Variants in PCDHGA5 observed in about 807,000 individuals in gnomAD.
The protein encoded by PCDHGA5 is protocadherin gamma-A5.
Under a neutral mutation model 56.7 loss-of-function variants are expected in PCDHGA5, and 36 were observed. The ratio of observed to expected loss-of-function variants is 0.64; its 90% CI spans 0.49 to 0.84. The LOEUF (loss-of-function observed/expected upper bound fraction) is 0.84. Ranked by LOEUF, PCDHGA5 falls within the 40% of genes least tolerant of loss-of-function variation. The pLI, the probability that PCDHGA5 is intolerant of heterozygous loss-of-function variation, is 0.00. For missense variants in PCDHGA5, 1,305 were observed against 1,201.5 expected, an observed-to-expected ratio of 1.09 and a Z score of -1.27; for synonymous variants, 563 against 520.2, an observed-to-expected ratio of 1.08 and a Z score of -1.12.
At chr5:141,384,179 G>A (rs1252177053) in intron 1 of PCDHGA5, 1 of 1,613,830 alleles carries the variant, frequency 6.2e-7, no homozygotes, top group Middle Eastern at 1.6e-4. Flanking sequence ...GCCACAGATG[G>A]TGGAACTCCT....
At position 141,410,013 on chromosome 5, in the gene PCDHGA5, T is replaced by A. The variant is rs770463619; in HGVS notation, c.2421+43262T>A. On this transcript the variant is annotated intron_variant, in intron 1 of 3. Coordinates refer to ENST00000518069, the MANE Select transcript of PCDHGA5 (RefSeq NM_018918.3). ...GCCGACTCGGGACACAACGCCTGGC[T>A]GTCCTACCACGTGCTGCAGGCCAGT... 1 of 1,613,296 alleles carries A rather than the reference T, an allele frequency of 6.2e-7. No individual in the cohort carries two copies. Among genetic ancestry groups the A allele is most frequent in the East Asian group, 2.2e-5 (1 of 44,870 alleles).
At chr5:141,390,455 T>C (rs2092151799) in intron 1 of PCDHGA5, 6 of 771,128 alleles carry the variant, frequency 7.8e-6, no homozygotes, top group Non-Finnish European at 1.2e-5. Context: ...AGGAGTAAAG[T>C]AGGAGCAATT....
At chr5:141,385,137 G>A in intron 1 of PCDHGA5, 1 of 1,614,232 alleles carries the variant, frequency 6.2e-7, no homozygotes, top group Non-Finnish European at 8.5e-7. Context: ...TGGACGGGGT[G>A]CAGGCTTTCC....
intron 1 of PCDHGA5, chr5:141,475,801 A>G: frequency 3.2e-6 from 1 of 312,546 alleles, no homozygotes. Flanking sequence ...AGGAAGCCAA[A>G]GGAAAGTGAA....
Position 141,489,595 on chromosome 5 carries a change from G to A in PCDHGA5, c.2422-5212G>A. The A allele has an allele frequency of 1.2e-6, 2 of 1,614,132 alleles. No individual in the cohort carries two copies. Among genetic ancestry groups the A allele is most frequent in the Non-Finnish European group, 1.7e-6 (2 of 1,180,004 alleles). On this transcript the variant is annotated intron_variant, in intron 1 of 3. Coordinates refer to ENST00000518069, the MANE Select transcript of PCDHGA5 (RefSeq NM_018918.3). The surrounding 1 kb of genome is among the most constrained non-coding windows in gnomAD (Gnocchi z 4.5). Reference sequence around the variant, plus strand: ...TGAACACCCCCTGGAGCTAATCCGTGTAGAGGTAGAGATCCTGGATCTCAA... The same window carrying A: ...TGAACACCCCCTGGAGCTAATCCGTATAGAGGTAGAGATCCTGGATCTCAA...
chr5:141,401,467 G>A (rs1248119954), intron 1 of PCDHGA5, among the ~76,000 whole-genome samples: 1 of 152,196 alleles, frequency 6.6e-6, no homozygotes, highest in Non-Finnish European at 1.5e-5. Context: ...AATTTTCTAA[G>A]TTTATCCAGG....
At chr5:141,380,635 G>C (rs746308338) in intron 1 of PCDHGA5, among the ~76,000 whole-genome samples, 17 of 152,190 alleles carry the variant, frequency 1.1e-4, no homozygotes, top group African/African-American at 2.4e-4. Flanking sequence ...TAGAAAATGT[G>C]AATGCTAGAG....
chr5:141,404,180 C>A (rs774534952), intron 1 of PCDHGA5: 10 of 1,613,196 alleles, frequency 6.2e-6, no homozygotes, highest in Non-Finnish European at 8.5e-6. Flanking sequence ...GGCCCAAATT[C>A]TTGACCGAGA....
chr5:141,471,926 G>A (rs2099266798), intron 1 of PCDHGA5, among the ~76,000 whole-genome samples: 2 of 152,110 alleles, frequency 1.3e-5, no homozygotes. Flanking sequence ...AATTTTGGGG[G>A]TGATGAGAGT....
At chr5:141,466,654 C>A (rs985749176) in intron 1 of PCDHGA5, among the ~76,000 whole-genome samples, 12 of 152,178 alleles carry the variant, frequency 7.9e-5, no homozygotes, top group African/African-American at 2.9e-4. Flanking sequence ...TTTCACAAAA[C>A]ATCAGTGATT....
chr5:141,404,119 T>G, intron 1 of PCDHGA5: 1 of 1,613,504 alleles, frequency 6.2e-7, no homozygotes, highest in Non-Finnish European at 8.5e-7. Flanking sequence ...TCCAGGAGAA[T>G]CTATCTTTTA....
intron 1 of PCDHGA5, chr5:141,426,709 A>G (rs1259104705): frequency 6.8e-6 from 3 of 443,800 alleles, no homozygotes; most frequent in South Asian, 3.1e-5. Flanking sequence ...TTACAAATCA[A>G]TGAACTAGCA....
At chr5:141,395,727 T>G (rs895493332) in intron 1 of PCDHGA5, 1 of 153,998 alleles carries the variant, frequency 6.5e-6, no homozygotes, top group Non-Finnish European at 1.4e-5. Flanking sequence ...TGTAGATTTC[T>G]TCACTTTAAA....
In PCDHGA5 at chr5:141,431,788, T is replaced by G. The variant is rs775397713; in HGVS notation, c.2422-63019T>G. 1 of 1,614,190 alleles carries G rather than the reference T, an allele frequency of 6.2e-7. No homozygotes were observed. The highest frequency in any genetic ancestry group is 1.1e-5 in the South Asian group (1 of 91,080). ...TCACTGTTCTGGACGTGAACGACAA[T>G]GCCCCAGAAGTGGTCCTCACCTCTC... On this transcript the variant is annotated intron_variant, in intron 1 of 3. Coordinates refer to ENST00000518069, the MANE Select transcript of PCDHGA5 (RefSeq NM_018918.3). The surrounding 1 kb of genome is among the most constrained non-coding windows in gnomAD (Gnocchi z 4.8).
intron 1 of PCDHGA5, chr5:141,404,622 A>G (rs1182540384): frequency 9.9e-6 from 16 of 1,614,156 alleles, no homozygotes; most frequent in Non-Finnish European, 1.4e-5. Flanking sequence ...GACCAGAATG[A>G]CAATGCCCCA....
chr5:141,497,544 T>C (rs1410779650), intron 2 of PCDHGA5, among the ~76,000 whole-genome samples: 4 of 150,796 alleles, frequency 2.7e-5, no homozygotes, highest in African/African-American at 9.8e-5. Flanking sequence ...ACAAACCTTT[T>C]TTTTTTTTTT....
At position 141,371,163 on chromosome 5, in the gene PCDHGA5, G is replaced by C. The variant is rs79773129; in HGVS notation, c.2421+4412G>C. 1.0e-4 allele frequency: 165 copies of C among 1,613,984 alleles called. No individual in the cohort carries two copies. In the African/African-American group the frequency reaches 2.0e-3, roughly 19 times the overall value. ...GGTCAATGTTGCAGAGAACCTGCCC[G>C]CTGGCTCCTCCGTATTAAAAGTGAT... On this transcript the variant is annotated intron_variant, in intron 1 of 3. Coordinates refer to ENST00000518069, the MANE Select transcript of PCDHGA5 (RefSeq NM_018918.3).
chr5:141,439,568 A>G (rs2098121048), intron 1 of PCDHGA5, among the ~76,000 whole-genome samples: 1 of 152,208 alleles, frequency 6.6e-6, no homozygotes, highest in Non-Finnish European at 1.5e-5. Context: ...GTTCTAGAGT[A>G]GGGACTCAGA....
intron 1 of PCDHGA5, chr5:141,400,462 G>C: frequency 1.2e-6 from 2 of 1,614,062 alleles, no homozygotes; most frequent in Non-Finnish European, 1.7e-6. Flanking sequence ...ACTTTGTGGT[G>C]ATTCATCTGG....
Sources: allele counts gnomAD v4.1 joint callset (sites outside exome capture counted in the v4.1 genomes callset), GRCh38; gene constraint gnomAD v4.1.1; non-coding constraint Gnocchi (gnomAD v3.1); transcripts MANE v1.5; gene names NCBI Gene and HGNC (gene_info 2026-07-23, HGNC 2026-07-21).